The following TRPM6 variants were observed in gnomAD, a reference collection of about 807,000 sequenced individuals.
The protein encoded by TRPM6 is transient receptor potential cation channel subfamily M member 6, also known as channel kinase 2.
TRPM6 carries 111 observed loss-of-function variants against 247.6 expected under a neutral mutation model. That is an observed-to-expected ratio of 0.45 (90% CI 0.38 to 0.52). TRPM6 has a LOEUF of 0.52. TRPM6 is among the 20% of genes least tolerant of loss of function. The pLI, the probability that TRPM6 is intolerant of heterozygous loss-of-function variation, is 0.00. For missense variants in TRPM6, 2,126 were observed against 2,421.5 expected (o/e 0.88, Z 2.56); for synonymous variants, 892 against 853.8 (o/e 1.04, Z -0.78).
chr9:74,748,057 G>GA, intron 30 of TRPM6, 143 bp from the exon 31 acceptor site: 1 of 758,304 alleles, frequency 1.3e-6, no homozygotes, highest in East Asian at 2.7e-5. Context: ...GTCATGTACT[G>GA]CCTAATGATG....
chr9:74,782,325 CTTAT>C (rs765555043), intron 23 of TRPM6, 33 bp downstream of exon 23: 1 of 1,494,164 alleles, frequency 6.7e-7, no homozygotes, highest in South Asian at 1.1e-5. Context: ...GCCCACATTT[CTTAT>C]TTAAATAATC....
intron 31 of TRPM6, among the ~76,000 whole-genome samples, chr9:74,744,867 C>T (rs1179653643): frequency 6.6e-6 from 1 of 152,174 alleles, no homozygotes; most frequent in African/African-American, 2.4e-5. Context: ...AGCCCAATTT[C>T]GCAGATCTCT....
chr9:74,862,282 G>A (rs761283442), intron 1 of TRPM6, among the ~76,000 whole-genome samples: 1 of 152,156 alleles, frequency 6.6e-6, no homozygotes, highest in Non-Finnish European at 1.5e-5. Context: ...GTTCTGATAG[G>A]ACAAACACCA....
At chr9:74,853,752 C>A (rs1183379180) in intron 3 of TRPM6, among the ~76,000 whole-genome samples, 1 of 152,162 alleles carries the variant, frequency 6.6e-6, no homozygotes, top group Middle Eastern at 3.4e-3. Context: ...CCTAGGAAAA[C>A]CAGAGACCCT....
At chr9:74,827,972 G>C in intron 6 of TRPM6, 23 bp from the exon 7 acceptor site, 2 of 1,613,088 alleles carry the variant, frequency 1.2e-6, no homozygotes, top group Non-Finnish European at 1.7e-6. Context: ...AAGGACAAGG[G>C]AGGGTCAGAG....
intron 1 of TRPM6, among the ~76,000 whole-genome samples, chr9:74,865,200 T>G (rs563523925): frequency 5.4e-4 from 82 of 152,278 alleles, no homozygotes; most frequent in African/African-American, 1.9e-3. Flanking sequence ...AACAGTAACC[T>G]TCCAAGTAAA....
At chr9:74,787,598 G>C (rs918719435) in intron 20 of TRPM6, among the ~76,000 whole-genome samples, 1 of 152,122 alleles carries the variant, frequency 6.6e-6, no homozygotes, top group Non-Finnish European at 1.5e-5. Context: ...TTACCTCTAA[G>C]ACAAAATAAA....
At chr9:74,789,616 A>C (rs1339233379) in intron 19 of TRPM6, among the ~76,000 whole-genome samples, 1 of 152,192 alleles carries the variant, frequency 6.6e-6, no homozygotes, top group Non-Finnish European at 1.5e-5. Flanking sequence ...AGTCCTCTAA[A>C]TAGCCTCAGA....
At chr9:74,836,956 T>C (rs998332379) in intron 5 of TRPM6, among the ~76,000 whole-genome samples, 4 of 152,224 alleles carry the variant, frequency 2.6e-5, no homozygotes, top group African/African-American at 9.6e-5. Context: ...CATGTCCGTC[T>C]TCCTTGTATT....
intron 1 of TRPM6, among the ~76,000 whole-genome samples, chr9:74,866,616 G>C (rs1830852569): frequency 6.6e-6 from 1 of 152,000 alleles, no homozygotes; most frequent in Non-Finnish European, 1.5e-5. Context: ...TGAGTAGCTG[G>C]GATTACAGGC....
At chr9:74,733,263 C>T (rs73530661) in intron 36 of TRPM6, among the ~76,000 whole-genome samples, 13,514 of 150,386 alleles carry the variant, frequency 0.09, 1,955 homozygotes, top group African/African-American at 0.31. Context: ...TATGAAGATA[C>T]ATAAAAACTA....
chr9:74,846,541 A>AT (rs986322382), intron 3 of TRPM6, among the ~76,000 whole-genome samples: 1 of 151,754 alleles, frequency 6.6e-6, no homozygotes, highest in African/African-American at 2.4e-5. Flanking sequence ...ATATTTTAGA[A>AT]TTTTTTTTCT....
intron 3 of TRPM6, among the ~76,000 whole-genome samples, chr9:74,850,441 C>T (rs751949750): frequency 7.4e-5 from 11 of 147,700 alleles, no homozygotes; most frequent in Admixed American, 4.7e-4. Context: ...AACGTAAGGC[C>T]GGGCGCGGTG....
intron 21 of TRPM6, among the ~76,000 whole-genome samples, chr9:74,784,356 A>G (rs923890540): frequency 1.3e-5 from 2 of 152,118 alleles, no homozygotes; most frequent in African/African-American, 4.8e-5. Context: ...TAGGTGGCCC[A>G]ATTTTGAATC....
At chr9:74,843,768 T>C (rs1587570099) in intron 3 of TRPM6, among the ~76,000 whole-genome samples, 1 of 140,424 alleles carries the variant, frequency 7.1e-6, no homozygotes, top group African/African-American at 2.7e-5. Context: ...TGAGCCGAGA[T>C]AGTGCCACTG....
At chr9:74,738,658 G>A in intron 35 of TRPM6, 46 bp from the exon 36 acceptor site, 2 of 1,555,478 alleles carry the variant, frequency 1.3e-6, no homozygotes, top group Non-Finnish European at 8.9e-7. Context: ...TACAGCAAAA[G>A]TGGGACTTAC....
Position 74,762,607 on chromosome 9 carries a change from G to A in TRPM6, c.4064C>T (p.Pro1355Leu). 1 of 1,614,158 alleles carries A rather than the reference G, an allele frequency of 6.2e-7. No individual in the cohort carries two copies. The highest frequency in any genetic ancestry group is 1.3e-5 in the African/African-American group (1 of 75,028). Residue 1355 changes from proline to leucine, a missense_variant, in exon 26 of 39, where the codon CCT becomes CTT. Physicochemically the swap from Pro to Leu is moderately conservative, Grantham distance 98. Coordinates refer to ENST00000360774, the MANE Select transcript of TRPM6 (RefSeq NM_017662.5). ...LLVPSNLKRVPFSAETVLPLS... is the reference protein window; with the variant it reads ...LLVPSNLKRVLFSAETVLPLS... ...AGGCAAGACAGTTTCTGCTGAAAAA[G>A]GAACTCGCTTTAGATTAGAGGGGAC... is the stretch of plus-strand genomic sequence containing the variant.
At chr9:74,745,390 T>A (rs2118761850) in intron 31 of TRPM6, among the ~76,000 whole-genome samples, 1 of 152,314 alleles carries the variant, frequency 6.6e-6, no homozygotes, top group South Asian at 2.1e-4. Context: ...AGATAAAGTC[T>A]CTAGTTCCAT....
At chr9:74,835,610 C>T (rs73534385) in intron 5 of TRPM6, among the ~76,000 whole-genome samples, 1,702 of 151,976 alleles carry the variant, frequency 0.011, 38 homozygotes, top group African/African-American at 0.039. Flanking sequence ...TGTTGGCTAC[C>T]TTTGTATGTA....
Sources: allele counts gnomAD v4.1 joint callset (sites outside exome capture counted in the v4.1 genomes callset), GRCh38; gene constraint gnomAD v4.1.1; transcripts MANE v1.5; gene names NCBI Gene and HGNC (gene_info 2026-07-23, HGNC 2026-07-21).